The following RNF115 variants were observed in gnomAD, a reference collection of about 807,000 sequenced individuals.
RNF115 encodes E3 ubiquitin-protein ligase RNF115.
Under a neutral mutation model 39.2 loss-of-function variants are expected in RNF115, and 31 were observed. That is an observed-to-expected ratio of 0.79 (90% CI 0.59 to 1.07). The LOEUF (loss-of-function observed/expected upper bound fraction) is 1.07, where lower values mean the gene tolerates loss of function less well. RNF115 is among the 50% of genes least tolerant of loss of function. The pLI is 0.00. For missense variants in RNF115, 384 were observed against 381.7 expected (o/e 1.01, Z -0.05); for synonymous variants, 124 against 131.0 (o/e 0.95, Z 0.37).
intron 3 of RNF115, among the ~76,000 whole-genome samples, chr1:145,775,330 CAAT>C (rs1404633488): frequency 4.6e-5 from 7 of 150,712 alleles, no homozygotes; most frequent in East Asian, 3.9e-4. Flanking sequence ...AAATTAACAA[CAAT>C]AACTAATAAT....
At chr1:145,747,301 G>A (rs1260173938) in intron 8 of RNF115, among the ~76,000 whole-genome samples, 4 of 152,120 alleles carry the variant, frequency 2.6e-5, no homozygotes, top group Non-Finnish European at 4.4e-5. Context: ...GAGGGTAACT[G>A]CCCATTACTT....
At chr1:145,780,158 G>A (rs1648064806) in intron 3 of RNF115, among the ~76,000 whole-genome samples, 1 of 151,994 alleles carries the variant, frequency 6.6e-6, no homozygotes, top group South Asian at 2.1e-4. Flanking sequence ...AACCCAGGAG[G>A]CAGAGGTTGC....
chr1:145,812,661 C>CA (rs113927082), intron 1 of RNF115, among the ~76,000 whole-genome samples: 69,417 of 144,628 alleles, frequency 0.48, 16,132 homozygotes, highest in East Asian at 0.69. Context: ...CTTCAGGTCT[C>CA]AAAAAAAAAC....
chr1:145,787,112 A>C, intron 2 of RNF115: 2 of 897,986 alleles, frequency 2.2e-6, no homozygotes, highest in Non-Finnish European at 1.6e-6. Flanking sequence ...TAAAATCTCC[A>C]AAGTCACTCC....
chr1:145,755,172 G>A (rs1325032864), intron 4 of RNF115, among the ~76,000 whole-genome samples: 2 of 151,816 alleles, frequency 1.3e-5, no homozygotes, highest in African/African-American at 4.8e-5. Context: ...AACCCAGGAG[G>A]AGGAGGTTGC....
At chr1:145,813,710 T>A (rs1278183927) in intron 1 of RNF115, among the ~76,000 whole-genome samples, 3 of 151,802 alleles carry the variant, frequency 2.0e-5, no homozygotes, top group African/African-American at 7.3e-5. Context: ...ACGGTCTCAA[T>A]TTTCTTACTG....
intron 7 of RNF115, among the ~76,000 whole-genome samples, chr1:145,748,980 C>T (rs587606386): frequency 2.0e-5 from 3 of 152,162 alleles, no homozygotes; most frequent in East Asian, 1.9e-4. Flanking sequence ...TGCTGCAGAA[C>T]TGCAAAGTCG....
chr1:145,781,998 G>A, intron 3 of RNF115, among the ~76,000 whole-genome samples: 1 of 151,492 alleles, frequency 6.6e-6, no homozygotes, highest in South Asian at 2.1e-4. Context: ...CGCCTTCTGG[G>A]TTCAAGCAAT....
intron 4 of RNF115, among the ~76,000 whole-genome samples, chr1:145,759,396 T>A (rs1009630146): frequency 2.6e-5 from 4 of 152,208 alleles, no homozygotes; most frequent in Non-Finnish European, 4.4e-5. Flanking sequence ...TTACTCCTCC[T>A]AATGTTCCCC....
At chr1:145,757,840 C>T (rs1442340466) in intron 4 of RNF115, among the ~76,000 whole-genome samples, 1 of 152,148 alleles carries the variant, frequency 6.6e-6, no homozygotes, top group African/African-American at 2.4e-5. Flanking sequence ...CTTTAGTTTA[C>T]AGGTCTTCAC....
At chr1:145,792,501 AG>A (rs1163181009) in intron 1 of RNF115, among the ~76,000 whole-genome samples, 11 of 152,048 alleles carry the variant, frequency 7.2e-5, no homozygotes, top group African/African-American at 7.2e-5. Flanking sequence ...CTTTTTTAAA[AG>A]AAAAAAAAAA....
chr1:145,761,423 AGGG>A (rs1658499337), intron 4 of RNF115, among the ~76,000 whole-genome samples: 1 of 152,200 alleles, frequency 6.6e-6, no homozygotes, highest in African/African-American at 2.4e-5. Flanking sequence ...TGTGCAGCCT[AGGG>A]ACTTGGTGCC....
chr1:145,823,827 G>A lies in RNF115; in HGVS notation c.47C>T (p.Ala16Val). The change falls in exon 1 of 9, where the codon GCC becomes GTC. Residue 16 changes from alanine to valine, a missense_variant. Ala to Val is a moderately conservative substitution (Grantham distance 64, BLOSUM62 0). Transcript: ENST00000582693. ...AAAGTGGCAGAAAAACCGGTGGGCG[G>A]CTACAGCGGCGCCCGAGTCCGCCCC... ...AAGADSGAAVAAHRFFCHFCK... is the reference protein window; with the variant it reads ...AAGADSGAAVVAHRFFCHFCK... 6.3e-7 allele frequency: 1 copy of A among 1,582,208 alleles called. No individual in the cohort carries two copies. Among genetic ancestry groups the A allele is most frequent in the Non-Finnish European group, 8.6e-7 (1 of 1,167,994 alleles).
intron 4 of RNF115, among the ~76,000 whole-genome samples, chr1:145,762,649 T>C (rs893218240): frequency 3.3e-5 from 5 of 151,970 alleles, no homozygotes; most frequent in African/African-American, 1.2e-4. Context: ...GCTGTCTTTT[T>C]ATTCCATACC....
chr1:145,822,762 G>C (rs1280408134), intron 1 of RNF115, among the ~76,000 whole-genome samples: 1 of 141,244 alleles, frequency 7.1e-6, no homozygotes, highest in Non-Finnish European at 1.5e-5. Flanking sequence ...CTGCATAAAT[G>C]TTGTTTGTTT....
intron 3 of RNF115, chr1:145,773,273 T>C (rs587624819): frequency 1.3e-5 from 2 of 152,186 alleles, no homozygotes; most frequent in African/African-American, 4.8e-5. Context: ...ATTCTTCACA[T>C]GCTTCGTAAT....
At chr1:145,781,512 T>C (rs1309544451) in intron 3 of RNF115, among the ~76,000 whole-genome samples, 1 of 152,188 alleles carries the variant, frequency 6.6e-6, no homozygotes, top group African/African-American at 2.4e-5. Flanking sequence ...AAGGCTCCAG[T>C]GCAAGTTCTA....
At chr1:145,762,953 T>C (rs1049841051) in intron 4 of RNF115, among the ~76,000 whole-genome samples, 2 of 152,024 alleles carry the variant, frequency 1.3e-5, no homozygotes, top group Non-Finnish European at 2.9e-5. Context: ...GAACTAAACA[T>C]TGGGTACACA....
At chr1:145,764,282 C>T (rs587711456) in intron 4 of RNF115, among the ~76,000 whole-genome samples, 4 of 152,212 alleles carry the variant, frequency 2.6e-5, no homozygotes, top group African/African-American at 9.6e-5. Context: ...ACCTCCCAGC[C>T]GCCTGCCTTG....
Sources: gnomAD v4.1 joint callset for allele counts (sites outside exome capture counted in the v4.1 genomes callset) on GRCh38, gnomAD v4.1.1 for gene constraint, MANE v1.5 for transcripts, NCBI Gene and HGNC (gene_info 2026-07-23, HGNC 2026-07-21) for gene names.